The following ASB5 variants were observed in gnomAD, a reference collection of about 807,000 sequenced individuals.
The protein encoded by ASB5 is ankyrin repeat and SOCS box protein 5.
A neutral mutation model predicts 42.1 loss-of-function variants in ASB5; 45 were observed. The ratio of observed to expected loss-of-function variants is 1.07; its 90% CI spans 0.84 to 1.37. The LOEUF is 1.37. ASB5 is among the 40% of genes most tolerant of loss of function. The pLI, the probability that ASB5 is intolerant of heterozygous loss-of-function variation, is 0.00. For synonymous variants in ASB5, 147 were observed against 150.6 expected (o/e 0.98, Z 0.18); for missense variants, 402 against 399.8 (o/e 1.01, Z -0.05).
At chr4:176,249,423 A>G (rs1208455008) in intron 1 of ASB5, 4 of 152,174 alleles carry the variant, frequency 2.6e-5, no homozygotes, top group Non-Finnish European at 5.9e-5. Context: ...GTTAACAGAA[A>G]ATGCGACACT....
rs1429267402 is a variant in ASB5, at chr4:176,238,588, G to A, written c.197-13247C>T. 3.9e-5 allele frequency among the ~76,000 whole-genome samples: 6 copies of A among 152,156 alleles called. No homozygotes were observed. In the South Asian group the frequency reaches 6.2e-4, roughly 16 times the overall value. On this transcript the variant is annotated intron_variant, in intron 1 of 6. Coordinates refer to ENST00000296525, the MANE Select transcript of ASB5 (RefSeq NM_080874.4). Reference sequence around the variant, plus strand: ...AAGGATTAACTGAGCTGGTGATCACGTTACAGAGTATTAACATACTGAAAT... The same window carrying A: ...AAGGATTAACTGAGCTGGTGATCACATTACAGAGTATTAACATACTGAAAT...
At chr4:176,229,253 G>A (rs1446254237) in intron 1 of ASB5, among the ~76,000 whole-genome samples, 1 of 152,088 alleles carries the variant, frequency 6.6e-6, no homozygotes, top group East Asian at 1.9e-4. Context: ...TAGTTAACAG[G>A]AAAATTAACC....
At chr4:176,230,467 G>A (rs935584578) in intron 1 of ASB5, among the ~76,000 whole-genome samples, 2 of 152,218 alleles carry the variant, frequency 1.3e-5, no homozygotes, top group East Asian at 1.9e-4. Flanking sequence ...TCTAGAACAT[G>A]TATACCACTC....
At chr4:176,234,873 G>A (rs1753647377) in intron 1 of ASB5, among the ~76,000 whole-genome samples, 1 of 152,138 alleles carries the variant, frequency 6.6e-6, no homozygotes, top group Non-Finnish European at 1.5e-5. Context: ...TGTTCTAAGG[G>A]TTACATGGAC....
intron 1 of ASB5, among the ~76,000 whole-genome samples, chr4:176,227,424 A>C (rs1216069848): frequency 6.6e-6 from 1 of 152,196 alleles, no homozygotes; most frequent in Non-Finnish European, 1.5e-5. Context: ...CTGGTAAATG[A>C]CTTCTGCCCT....
At chr4:176,233,209 A>T (rs906945845) in intron 1 of ASB5, among the ~76,000 whole-genome samples, 2 of 152,186 alleles carry the variant, frequency 1.3e-5, no homozygotes, top group African/African-American at 4.8e-5. Context: ...TTCTAAACAG[A>T]AGGAAGGATA....
chr4:176,222,690 T>C (rs1216730045), intron 2 of ASB5, among the ~76,000 whole-genome samples: 1 of 152,190 alleles, frequency 6.6e-6, no homozygotes, highest in Non-Finnish European at 1.5e-5. Context: ...TCTTTAAATG[T>C]TGCTTTCTTA....
At chr4:176,251,749 A>C (rs1754041148) in intron 1 of ASB5, among the ~76,000 whole-genome samples, 1 of 151,602 alleles carries the variant, frequency 6.6e-6, no homozygotes, top group Admixed American at 6.6e-5. Flanking sequence ...ATACATTAGC[A>C]GCCATTAACT....
In ASB5 at chr4:176,221,279, T is replaced by C. The variant is rs1197598322; in HGVS notation, c.546A>G (p.Glu182=). ...THEAASKGHH[E]CLDILISWGI... is the part of the protein sequence containing the mutation. Reference sequence around the variant, plus strand: ...CCCAGGATATCAGGATGTCAAGACATTCATGGTGACCTGCCAACACAAAGT... The same window carrying C: ...CCCAGGATATCAGGATGTCAAGACACTCATGGTGACCTGCCAACACAAAGT... Residue 182 remains glutamate (E), a synonymous_variant, in exon 5 of 7, where the codon GAA becomes GAG. Coordinates refer to ENST00000296525, the MANE Select transcript of ASB5 (RefSeq NM_080874.4). 2 of 1,613,906 alleles carry C rather than the reference T, an allele frequency of 1.2e-6. No individual in the cohort carries two copies. The highest frequency in any genetic ancestry group is 2.7e-5 in the African/African-American group (2 of 74,910).
upstream of ASB5, among the ~76,000 whole-genome samples, chr4:176,273,641 G>A: frequency 6.6e-6 from 1 of 152,266 alleles, no homozygotes; most frequent in Non-Finnish European, 1.5e-5. Context: ...AAAATCACTA[G>A]CTTTCCCCAG....
intron 3 of ASB5, among the ~76,000 whole-genome samples, chr4:176,221,848 C>T (rs1350420342): frequency 2.0e-5 from 3 of 151,942 alleles, no homozygotes; most frequent in East Asian, 1.9e-4. Context: ...AAAATGCATG[C>T]TCAAATGGCA....
intron 1 of ASB5, among the ~76,000 whole-genome samples, chr4:176,227,320 T>C (rs1753407852): frequency 6.6e-6 from 1 of 152,202 alleles, no homozygotes; most frequent in African/African-American, 2.4e-5. Context: ...TACTTGTAAG[T>C]CAACAGAGAG....
upstream of ASB5, among the ~76,000 whole-genome samples, chr4:176,269,940 G>T (rs1754436431): frequency 6.6e-6 from 1 of 152,102 alleles, no homozygotes; most frequent in Non-Finnish European, 1.5e-5. Context: ...ATATCCAAAA[G>T]AATTATCAAG....
At chr4:176,216,264 C>T (rs769407989) in intron 6 of ASB5, among the ~76,000 whole-genome samples, 5 of 152,014 alleles carry the variant, frequency 3.3e-5, no homozygotes, top group Non-Finnish European at 5.9e-5. Flanking sequence ...ACCAGAAGTG[C>T]ATATAATGCA....
intron 5 of ASB5, among the ~76,000 whole-genome samples, chr4:176,217,321 A>G (rs1476031537): frequency 6.6e-6 from 1 of 152,138 alleles, no homozygotes; most frequent in Non-Finnish European, 1.5e-5. Context: ...CTTTTAAATG[A>G]TTCCAAAAGT....
intron 1 of ASB5, chr4:176,241,759 T>A: frequency 1.0e-6 from 1 of 967,226 alleles, no homozygotes; most frequent in Admixed American, 4.0e-5. Context: ...CAGTTAACCT[T>A]TGTTCCAAAG....
At chr4:176,218,035 G>A (rs967300113) in intron 5 of ASB5, among the ~76,000 whole-genome samples, 1 of 150,168 alleles carries the variant, frequency 6.7e-6, no homozygotes, top group Non-Finnish European at 1.5e-5. Flanking sequence ...TTTCCATAAA[G>A]AAAGCATAAA....
chr4:176,244,310 T>C (rs1256598206), intron 1 of ASB5, among the ~76,000 whole-genome samples: 2 of 152,200 alleles, frequency 1.3e-5, no homozygotes, highest in Non-Finnish European at 2.9e-5. Context: ...TTTGGGGTGA[T>C]ACATGCTTCA....
At chr4:176,255,626 C>T (rs927760811) in intron 1 of ASB5, among the ~76,000 whole-genome samples, 8 of 152,152 alleles carry the variant, frequency 5.3e-5, no homozygotes, top group Admixed American at 2.0e-4. Flanking sequence ...CTAAATGCTG[C>T]GTGTTGTCAC....
Sources: gnomAD v4.1 joint callset for allele counts (sites outside exome capture counted in the v4.1 genomes callset) on GRCh38, gnomAD v4.1.1 for gene constraint, MANE v1.5 for transcripts, NCBI Gene and HGNC (gene_info 2026-07-23, HGNC 2026-07-21) for gene names.